Variants in CDH13 observed in about 807,000 individuals in gnomAD.
CDH13 encodes the protein cadherin 13, also known as cadherin-13.
A neutral mutation model predicts 63.8 loss-of-function variants in CDH13; 24 were observed. The ratio of observed to expected loss-of-function variants is 0.38; its 90% CI spans 0.27 to 0.53. The LOEUF is 0.53. Among genes scored for constraint, CDH13 ranks in the 20% least tolerant of loss-of-function variants. The pLI is 0.85. For synonymous variants in CDH13, 503 were observed against 355.3 expected (o/e 1.42, Z -4.67); for missense variants, 1,049 against 903.1 (o/e 1.16, Z -2.07).
At chr16:83,790,696 C>T (rs1916202992) in intron 13 of CDH13, among the ~76,000 whole-genome samples, 3 of 152,192 alleles carry the variant, frequency 2.0e-5, no homozygotes, top group Admixed American at 1.3e-4. Context: ...AGCCACCATG[C>T]CTGGCCCGGT....
At chr16:82,992,803 A>C (rs1361837967) in intron 2 of CDH13, among the ~76,000 whole-genome samples, 1 of 152,220 alleles carries the variant, frequency 6.6e-6, no homozygotes, top group Non-Finnish European at 1.5e-5. Flanking sequence ...TTAAGCAATA[A>C]TGGGAAGAAG....
At chr16:82,766,130 C>T (rs2151090255) in intron 1 of CDH13, among the ~76,000 whole-genome samples, 1 of 152,256 alleles carries the variant, frequency 6.6e-6, no homozygotes, top group East Asian at 1.9e-4. Flanking sequence ...TCCAGAAGCC[C>T]AACATGAAAA....
chr16:82,800,422 C>A (rs9932137), intron 1 of CDH13, among the ~76,000 whole-genome samples: 32,540 of 151,992 alleles, frequency 0.21, 3,816 homozygotes, highest in East Asian at 0.36. Flanking sequence ...ATACCCAAAT[C>A]ATAAATCAGA....
At chr16:83,332,117 T>TA (rs2090494106) in intron 5 of CDH13, among the ~76,000 whole-genome samples, 2 of 152,178 alleles carry the variant, frequency 1.3e-5, no homozygotes, top group Non-Finnish European at 2.9e-5. Context: ...AACAATTTTA[T>TA]AAATTGTTAC....
At chr16:83,144,715 C>T (rs2036674120) in intron 4 of CDH13, among the ~76,000 whole-genome samples, 1 of 152,200 alleles carries the variant, frequency 6.6e-6, no homozygotes, top group Admixed American at 6.5e-5. Context: ...CCGAAAAAAT[C>T]ACATAAGAGT....
intron 7 of CDH13, among the ~76,000 whole-genome samples, chr16:83,498,513 C>G (rs1200590344): frequency 1.3e-5 from 2 of 152,158 alleles, no homozygotes; most frequent in African/African-American, 4.8e-5. Flanking sequence ...AACAGTGTCA[C>G]CATGTGTCTT....
chr16:82,792,432 C>A (rs1408707510), intron 1 of CDH13, among the ~76,000 whole-genome samples: 1 of 152,188 alleles, frequency 6.6e-6, no homozygotes, highest in Admixed American at 6.5e-5. Flanking sequence ...CAATTCATTA[C>A]CCAGAAATAT....
chr16:83,415,803 A>G (rs2092192090), intron 6 of CDH13, among the ~76,000 whole-genome samples: 1 of 152,180 alleles, frequency 6.6e-6, no homozygotes, highest in Non-Finnish European at 1.5e-5. Context: ...GTCATACTCA[A>G]CAGTGATAAA....
At chr16:83,264,969 G>C (rs1452849214) in intron 5 of CDH13, among the ~76,000 whole-genome samples, 4 of 152,080 alleles carry the variant, frequency 2.6e-5, no homozygotes, top group Non-Finnish European at 4.4e-5. Context: ...GACTCTGATA[G>C]AATTTTCTTT....
At chr16:83,270,659 T>C (rs2088775100) in intron 5 of CDH13, among the ~76,000 whole-genome samples, 1 of 152,164 alleles carries the variant, frequency 6.6e-6, no homozygotes, top group Non-Finnish European at 1.5e-5. Flanking sequence ...CAGCACTCAA[T>C]AACTCTCCCT....
chr16:83,668,419 C>T (rs781576651), intron 8 of CDH13, among the ~76,000 whole-genome samples: 6 of 152,222 alleles, frequency 3.9e-5, no homozygotes, highest in Admixed American at 6.5e-5. Flanking sequence ...AGCAACTTCT[C>T]ACTTATGCAC....
At chr16:83,186,731 G>T (rs1567489103) in intron 4 of CDH13, among the ~76,000 whole-genome samples, 1 of 152,060 alleles carries the variant, frequency 6.6e-6, no homozygotes, top group Non-Finnish European at 1.5e-5. Flanking sequence ...TGAGCTCATT[G>T]TAACTTAGGA....
intron 7 of CDH13, among the ~76,000 whole-genome samples, chr16:83,491,662 C>CT (rs140155270): frequency 0.012 from 1,817 of 150,860 alleles, 29 homozygotes; most frequent in African/African-American, 0.04. Flanking sequence ...TATCATTAGT[C>CT]TTTTTAAGGG....
At chr16:83,200,965 G>GTGTGTGTGTGTGTC (rs34095925) in intron 4 of CDH13, among the ~76,000 whole-genome samples, 34 of 144,490 alleles carry the variant, frequency 2.4e-4, no homozygotes, top group Non-Finnish European at 3.5e-4. Context: ...GTGTGTGTGT[G>GTGTGTGTGTGTGTC]TGTGTGTTAT....
At chr16:82,904,061 T>G (rs1036521030) in intron 2 of CDH13, among the ~76,000 whole-genome samples, 3 of 152,204 alleles carry the variant, frequency 2.0e-5, no homozygotes, top group African/African-American at 7.2e-5. Flanking sequence ...TTAAAATATT[T>G]AAGCACACAA....
intron 1 of CDH13, among the ~76,000 whole-genome samples, chr16:82,749,283 C>T (rs1382131086): frequency 2.0e-5 from 3 of 152,166 alleles, no homozygotes; most frequent in Admixed American, 2.0e-4. Flanking sequence ...TTCCCCATTA[C>T]ATGCACCAAT....
chr16:83,110,811 TCA>T (rs1370661056), intron 3 of CDH13, among the ~76,000 whole-genome samples: 1 of 151,966 alleles, frequency 6.6e-6, no homozygotes, highest in Non-Finnish European at 1.5e-5. Context: ...GGCTACTTCT[TCA>T]CAGTGCATAC....
At chr16:83,251,022 C>T in intron 5 of CDH13, among the ~76,000 whole-genome samples, 1 of 151,846 alleles carries the variant, frequency 6.6e-6, no homozygotes, top group Non-Finnish European at 1.5e-5. Flanking sequence ...TGCTCCTCAT[C>T]CCCCAGCCAA....
intron 1 of CDH13, among the ~76,000 whole-genome samples, chr16:82,812,088 G>C (rs1440969865): frequency 6.6e-6 from 1 of 152,116 alleles, no homozygotes; most frequent in Non-Finnish European, 1.5e-5. Flanking sequence ...GCCACCCTTT[G>C]TCTCTATGTA....
Sources: allele counts gnomAD v4.1 joint callset (sites outside exome capture counted in the v4.1 genomes callset), GRCh38; gene constraint gnomAD v4.1.1; transcripts MANE v1.5; gene names NCBI Gene and HGNC (gene_info 2026-07-23, HGNC 2026-07-21).